MTF2: variants seen among roughly 807,000 people sequenced by gnomAD.
MTF2 encodes the protein metal-response element-binding transcription factor 2.
In MTF2, 11 loss-of-function variants were observed where a neutral mutation model predicts 79.5. The observed-to-expected ratio is 0.14, with a 90% confidence interval of 0.09 to 0.23. The LOEUF (loss-of-function observed/expected upper bound fraction) is 0.23, where lower values mean the gene tolerates loss of function less well. MTF2 is among the 10% of genes least tolerant of loss of function. The probability of loss-of-function intolerance (pLI) is 1.00; values close to 1 mark genes in which losing one functional copy is unlikely to be tolerated. For missense variants in MTF2, 486 were observed against 711.2 expected, an observed-to-expected ratio of 0.68 and a Z score of 3.60; for synonymous variants, 208 against 232.8, an observed-to-expected ratio of 0.89 and a Z score of 0.97.
At chr1:93,113,307 G>A (rs1248098388) in intron 3 of MTF2, among the ~76,000 whole-genome samples, 2 of 152,096 alleles carry the variant, frequency 1.3e-5, no homozygotes, top group East Asian at 1.9e-4. Context: ...TTGGGCTTGG[G>A]AAGTCAAGGC....
At chr1:93,116,979 T>C (rs577551215) in intron 6 of MTF2, among the ~76,000 whole-genome samples, 3 of 152,130 alleles carry the variant, frequency 2.0e-5, no homozygotes, top group Non-Finnish European at 4.4e-5. Flanking sequence ...AAAATAGTTA[T>C]AGTAGTAACA....
chr1:93,121,219 A>C, intron 9 of MTF2: 5 of 967,392 alleles, frequency 5.2e-6, no homozygotes, highest in Non-Finnish European at 6.1e-6. Flanking sequence ...GTAACTACCT[A>C]TGCTGGTTTA....
intron 10 of MTF2, among the ~76,000 whole-genome samples, chr1:93,128,555 CAAAAA>C (rs5776171): frequency 8.8e-6 from 1 of 113,798 alleles, no homozygotes; most frequent in Non-Finnish European, 1.8e-5. Context: ...GACTCTGTCT[CAAAAA>C]AAAAAAAAAA....
At chr1:93,123,623 A>C (rs1656576225) in intron 9 of MTF2, among the ~76,000 whole-genome samples, 1 of 152,088 alleles carries the variant, frequency 6.6e-6, no homozygotes, top group African/African-American at 2.4e-5. Flanking sequence ...ACTTTGAATT[A>C]TAATTTTACA....
At chr1:93,119,030 A>T (rs1274131673) in intron 7 of MTF2, among the ~76,000 whole-genome samples, 2 of 152,254 alleles carry the variant, frequency 1.3e-5, no homozygotes, top group Admixed American at 1.3e-4. Context: ...AGCCATCACA[A>T]TTCCTGGCAC....
intron 1 of MTF2, among the ~76,000 whole-genome samples, 196 bp from the exon 2 acceptor site, chr1:93,110,034 A>G (rs1234565334): frequency 6.6e-6 from 1 of 152,196 alleles, no homozygotes; most frequent in Non-Finnish European, 1.5e-5. Flanking sequence ...TAGGCAATGA[A>G]TGGATATTGA....
At chr1:93,115,823 GTC>G (rs1656227404) in intron 6 of MTF2, among the ~76,000 whole-genome samples, 1 of 152,004 alleles carries the variant, frequency 6.6e-6, no homozygotes, top group African/African-American at 2.4e-5. Context: ...ATTTGTATAA[GTC>G]TTATATTCTG....
chr1:93,106,027 T>G (rs899498822), intron 1 of MTF2, among the ~76,000 whole-genome samples: 6 of 151,974 alleles, frequency 3.9e-5, no homozygotes, highest in Non-Finnish European at 7.4e-5. Context: ...TCTCAGTAAT[T>G]TTTTCCTGGA....
At chr1:93,088,447 T>C (rs529446282) in intron 1 of MTF2, among the ~76,000 whole-genome samples, 1 of 152,358 alleles carries the variant, frequency 6.6e-6, no homozygotes, top group South Asian at 2.1e-4. Flanking sequence ...TGTAAAGATT[T>C]TACCAGTTGT....
intron 14 of MTF2, 94 bp from the exon 15 acceptor site, chr1:93,136,576 G>A: frequency 1.0e-6 from 1 of 991,996 alleles, no homozygotes; most frequent in Non-Finnish European, 1.5e-6. Context: ...AGGATATATG[G>A]TATAGTAGAG....
intron 1 of MTF2, among the ~76,000 whole-genome samples, chr1:93,107,448 A>C (rs1026658062): frequency 4.0e-4 from 60 of 151,436 alleles, no homozygotes; most frequent in African/African-American, 1.4e-3. Flanking sequence ...CTTGTCTTGA[A>C]CTCCTGGCCT....
At chr1:93,103,235 G>A (rs909430950) in intron 1 of MTF2, among the ~76,000 whole-genome samples, 6 of 150,990 alleles carry the variant, frequency 4.0e-5, no homozygotes, top group East Asian at 3.8e-4. Context: ...AAAAATATAC[G>A]TAGTATTTTA....
At chr1:93,121,437 T>G (rs1656473237) in intron 9 of MTF2, 1 of 915,726 alleles carries the variant, frequency 1.1e-6, no homozygotes, top group Admixed American at 6.2e-5. Context: ...GAATTTGATA[T>G]GTATATCTTA....
chr1:93,125,359 CATAGT>C (rs910897839), intron 9 of MTF2, among the ~76,000 whole-genome samples: 10 of 146,102 alleles, frequency 6.8e-5, no homozygotes, highest in Middle Eastern at 3.6e-3. Flanking sequence ...ATGATATAGA[CATAGT>C]ATAACTTGAT....
intron 3 of MTF2, among the ~76,000 whole-genome samples, chr1:93,112,896 T>C (rs1257445572): frequency 1.3e-5 from 2 of 152,192 alleles, no homozygotes; most frequent in Non-Finnish European, 2.9e-5. Flanking sequence ...TTCTGAGGAA[T>C]TGCCTTCCCC....
At chr1:93,129,974 A>G (rs976900290) in intron 11 of MTF2, among the ~76,000 whole-genome samples, 1 of 152,164 alleles carries the variant, frequency 6.6e-6, no homozygotes, top group Non-Finnish European at 1.5e-5. Flanking sequence ...TACTTTAACA[A>G]TGTGGCTTAA....
intron 1 of MTF2, among the ~76,000 whole-genome samples, chr1:93,080,764 CTTTTTT>C (rs34251431): frequency 7.3e-6 from 1 of 136,740 alleles, no homozygotes; most frequent in Non-Finnish European, 1.6e-5. Flanking sequence ...TTGGGAATTC[CTTTTTT>C]TTTTTTTTTT....
Position 93,079,393 on chromosome 1 carries a change from T to G in MTF2, c.-134T>G. On this transcript the variant is annotated 5_prime_UTR_variant, in exon 1 of 15. Transcript: ENST00000370298. ...ACCCTTGTCTCCAAGGACCTCGGTT[T>G]GTGCGTGCATATGTGCCGGGTACCC... The G allele has an allele frequency of 9.0e-7, 1 of 1,114,002 alleles. No homozygotes were observed. Among genetic ancestry groups the G allele is most frequent in the East Asian group, 2.4e-5 (1 of 42,060 alleles). The allele number at this position is 1,114,002 out of a possible 1,614,324, so 69.0% of individuals were successfully genotyped here. A position where few individuals can be genotyped will look rare whatever the true frequency, so the allele number is the denominator to read the frequency against.
At chr1:93,102,011 A>G (rs1342804987) in intron 1 of MTF2, among the ~76,000 whole-genome samples, 1 of 151,958 alleles carries the variant, frequency 6.6e-6, no homozygotes, top group East Asian at 1.9e-4. Flanking sequence ...CCTCCCCTCA[A>G]TCCCTGGCTG....
Sources: allele counts gnomAD v4.1 joint callset (sites outside exome capture counted in the v4.1 genomes callset), GRCh38; gene constraint gnomAD v4.1.1; transcripts MANE v1.5; gene names NCBI Gene and HGNC (gene_info 2026-07-23, HGNC 2026-07-21).